ADAMTS6: variants seen among roughly 807,000 people sequenced by gnomAD.
ADAMTS6 encodes the protein A disintegrin and metalloproteinase with thrombospondin motifs 6.
In ADAMTS6, 23 loss-of-function variants were observed where a neutral mutation model predicts 144.3. The ratio of observed to expected loss-of-function variants is 0.16; its 90% confidence interval spans 0.11 to 0.23. The LOEUF is 0.23. Among genes scored for constraint, ADAMTS6 ranks in the 10% least tolerant of loss-of-function variants. The pLI is 1.00. For missense variants in ADAMTS6, 999 were observed against 1,379.6 expected, an observed-to-expected ratio of 0.72 and a Z score of 4.37; for synonymous variants, 444 against 457.5, an observed-to-expected ratio of 0.97 and a Z score of 0.38.
At chr5:65,303,157 T>C (rs1218993214) in intron 9 of ADAMTS6, among the ~76,000 whole-genome samples, 1 of 152,144 alleles carries the variant, frequency 6.6e-6, no homozygotes, top group Non-Finnish European at 1.5e-5. Flanking sequence ...CAGGAGCATA[T>C]AATCAAATAA....
At chr5:65,447,693 G>A (rs953808162) in intron 7 of ADAMTS6, among the ~76,000 whole-genome samples, 23 of 151,898 alleles carry the variant, frequency 1.5e-4, no homozygotes, top group African/African-American at 5.5e-4. Context: ...ACTAATTTAG[G>A]TGAATATTAA....
chr5:65,414,772 G>A (rs1368907762), intron 7 of ADAMTS6, among the ~76,000 whole-genome samples: 1 of 152,146 alleles, frequency 6.6e-6, no homozygotes, highest in East Asian at 1.9e-4. Context: ...AATGTGTTTT[G>A]TATACAGAAG....
At chr5:65,234,497 G>T (rs1236831963) in intron 15 of ADAMTS6, among the ~76,000 whole-genome samples, 1 of 150,614 alleles carries the variant, frequency 6.6e-6, no homozygotes, top group Non-Finnish European at 1.5e-5. Flanking sequence ...ACAGGTACAT[G>T]AAAAGGTGTG....
At chr5:65,157,443 A>G (rs1187370859) in intron 24 of ADAMTS6, among the ~76,000 whole-genome samples, 1 of 152,234 alleles carries the variant, frequency 6.6e-6, no homozygotes, top group African/African-American at 2.4e-5. Flanking sequence ...TTTTGCATTT[A>G]TGTCACTGAA....
At chr5:65,327,761 C>T (rs1746308955) in intron 9 of ADAMTS6, among the ~76,000 whole-genome samples, 1 of 152,090 alleles carries the variant, frequency 6.6e-6, no homozygotes, top group Non-Finnish European at 1.5e-5. Flanking sequence ...AAACCCTTAC[C>T]TCAGCTATTT....
intron 7 of ADAMTS6, among the ~76,000 whole-genome samples, chr5:65,379,094 T>C (rs140450357): frequency 2.6e-5 from 4 of 152,312 alleles, no homozygotes; most frequent in East Asian, 1.9e-4. Context: ...ATAAAGCCAG[T>C]CATCAAACAA....
rs1760363780 is a variant in ADAMTS6 at position 65,470,684 on chromosome 5, A to ATG, written c.462+93_462+94insCA. 4 of 1,013,552 alleles carry ATG rather than the reference A, an allele frequency of 3.9e-6. No homozygotes were observed. The African/African-American group carries it at 6.2e-5, about 16-fold the overall frequency. The allele number at this position is 1,013,552 out of a possible 1,614,324, so 62.8% of individuals were successfully genotyped here. A position where few individuals can be genotyped will look rare whatever the true frequency, so the allele number is the denominator to read the frequency against. Reference sequence around the variant, plus strand: ...ACCTTCCTACTTAAACTACCTATATATATATATATTTTTTTTTTAATCTGA... The same window carrying ATG: ...ACCTTCCTACTTAAACTACCTATATATGTATATATATTTTTTTTTTAATCTGA... On this transcript the variant is annotated intron_variant, in intron 3 of 24. Coordinates refer to ENST00000381055, the MANE Select transcript of ADAMTS6 (RefSeq NM_197941.4).
At chr5:65,419,508 A>G (rs1053757293) in intron 7 of ADAMTS6, among the ~76,000 whole-genome samples, 2 of 152,208 alleles carry the variant, frequency 1.3e-5, no homozygotes, top group African/African-American at 2.4e-5. Context: ...CACACAATAT[A>G]CTCAGGCAAC....
chr5:65,320,629 C>G (rs1580385297), intron 9 of ADAMTS6, among the ~76,000 whole-genome samples: 1 of 150,606 alleles, frequency 6.6e-6, no homozygotes, highest in African/African-American at 2.4e-5. Context: ...TCATGGGGGT[C>G]TGTTTTATAG....
chr5:65,250,248 T>C (rs1192912017), intron 14 of ADAMTS6, among the ~76,000 whole-genome samples: 1 of 152,208 alleles, frequency 6.6e-6, no homozygotes, highest in Non-Finnish European at 1.5e-5. Context: ...ACAGCCTATT[T>C]ATATAAGAGT....
chr5:65,211,710 T>G (rs919318424), intron 20 of ADAMTS6, among the ~76,000 whole-genome samples: 1 of 152,190 alleles, frequency 6.6e-6, no homozygotes, highest in African/African-American at 2.4e-5. Context: ...ATACTGTTTT[T>G]CCTTGGCAAA....
chr5:65,302,281 T>C (rs1743499305), intron 9 of ADAMTS6, among the ~76,000 whole-genome samples: 1 of 144,246 alleles, frequency 6.9e-6, no homozygotes, highest in African/African-American at 2.5e-5. Flanking sequence ...AAATTATATA[T>C]AAAATATTAA....
intron 1 of ADAMTS6, among the ~76,000 whole-genome samples, chr5:65,475,135 A>T (rs1336650675): frequency 6.6e-6 from 1 of 152,210 alleles, no homozygotes; most frequent in Non-Finnish European, 1.5e-5. Context: ...GATGAGTAAA[A>T]GAATGAATAA....
At position 65,214,862 on chromosome 5, in the gene ADAMTS6, C is replaced by T. The variant is rs1456439771; in HGVS notation, c.2507G>A (p.Gly836Glu). The change falls in exon 20 of 25, where the codon GGA becomes GAA. Residue 836 changes from glycine (G) to glutamate (E), a missense_variant. Physicochemically the swap from Gly to Glu is moderately conservative, Grantham distance 98. Coordinates refer to ENST00000381055, the MANE Select transcript of ADAMTS6 (RefSeq NM_197941.4). The surrounding 1 kb of genome is among the most constrained non-coding windows in gnomAD (Gnocchi z 4.6). The part of the protein sequence containing the change: ...FNVPITRTGS[G>E]DNEVGFTWNH... Reference sequence around the variant, plus strand: ...CCATGTAAAGCCAACTTCATTATCTCCACTGCCAGTTCGAGTGATGGGAAC... The same window carrying T: ...CCATGTAAAGCCAACTTCATTATCTTCACTGCCAGTTCGAGTGATGGGAAC... The T allele has an allele frequency of 1.9e-6, 3 of 1,614,024 alleles. No homozygotes were observed. The highest frequency in any genetic ancestry group is 1.3e-5 in the African/African-American group (1 of 74,916).
At chr5:65,185,008 G>A (rs535763490) in intron 22 of ADAMTS6, among the ~76,000 whole-genome samples, 1 of 152,158 alleles carries the variant, frequency 6.6e-6, no homozygotes, top group Non-Finnish European at 1.5e-5. Flanking sequence ...GAAGTGGGGA[G>A]GGGGCAGAAA....
chr5:65,443,622 CAAAAA>C (rs59240974), intron 7 of ADAMTS6, among the ~76,000 whole-genome samples: 289 of 69,042 alleles, frequency 4.2e-3, no homozygotes, highest in South Asian at 5.5e-3. Flanking sequence ...GACCCTGTCT[CAAAAA>C]AAAAAAAAAA....
chr5:65,173,585 C>T (rs369864459), intron 22 of ADAMTS6, among the ~76,000 whole-genome samples: 34 of 152,244 alleles, frequency 2.2e-4, no homozygotes, highest in African/African-American at 7.7e-4. Flanking sequence ...TCTGTTTGTT[C>T]GTCATACTGA....
chr5:65,300,296 G>A (rs1743229632), intron 9 of ADAMTS6, among the ~76,000 whole-genome samples, 165 bp from the exon 10 acceptor site: 1 of 152,104 alleles, frequency 6.6e-6, no homozygotes, highest in Admixed American at 6.6e-5. Flanking sequence ...AGAGACTAAG[G>A]AATAAGGAAT....
In ADAMTS6 at chr5:65,177,552, A is replaced by G. The variant is rs368696917; in HGVS notation, c.2911-4544T>C. ...TGTCAACCAGGATTCTTGCCCCCCA[A>G]TGTAGAGCTTTTATGCTGTAGTTGG... is the stretch of plus-strand genomic sequence containing the variant. On this transcript the variant is annotated intron_variant, in intron 22 of 24. Coordinates refer to ENST00000381055, the MANE Select transcript of ADAMTS6 (RefSeq NM_197941.4). Among the ~76,000 whole-genome samples the G allele has an allele frequency of 1.1e-3, 160 of 152,288 alleles. No individual in the cohort carries two copies. In the South Asian group the frequency reaches 0.018, roughly 17 times the overall value.
Sources: gnomAD v4.1 joint callset for allele counts (sites outside exome capture counted in the v4.1 genomes callset) on GRCh38, gnomAD v4.1.1 for gene constraint, Gnocchi (gnomAD v3.1) non-coding constraint, MANE v1.5 for transcripts, NCBI Gene and HGNC (gene_info 2026-07-23, HGNC 2026-07-21) for gene names.